Variants in CNTN1 observed in about 807,000 individuals in gnomAD.
CNTN1 encodes the protein contactin 1, also known as contactin-1.
CNTN1 carries 38 observed loss-of-function variants against 126.4 expected under a neutral mutation model. The ratio of observed to expected loss-of-function variants is 0.30; its 90% CI spans 0.23 to 0.39. CNTN1 has a LOEUF of 0.39. CNTN1 is among the 10% of genes least tolerant of loss of function. CNTN1 has a pLI of 1.00. For missense variants in CNTN1, 1,009 were observed against 1,248.4 expected, an observed-to-expected ratio of 0.81 and a Z score of 2.89; for synonymous variants, 413 against 422.6, an observed-to-expected ratio of 0.98 and a Z score of 0.28.
At chr12:40,757,284 T>C (rs1335324862) in intron 1 of CNTN1, among the ~76,000 whole-genome samples, 1 of 7,636 alleles carries the variant, frequency 1.3e-4, no homozygotes, top group African/African-American at 2.2e-4. Flanking sequence ...TATTTGAGTT[T>C]GGGAAGGACA....
chr12:40,796,443 T>A (rs979707317), intron 1 of CNTN1, among the ~76,000 whole-genome samples: 8 of 152,058 alleles, frequency 5.3e-5, no homozygotes, highest in African/African-American at 1.9e-4. Flanking sequence ...TCATTCCAGA[T>A]ATTATATATC....
chr12:40,781,478 CT>C (rs1939801378), intron 1 of CNTN1, among the ~76,000 whole-genome samples: 1 of 151,868 alleles, frequency 6.6e-6, no homozygotes, highest in Admixed American at 6.6e-5. Flanking sequence ...CTCTCTTTTC[CT>C]AAGGGTTCCA....
intron 20 of CNTN1, 40 bp downstream of exon 20, chr12:41,020,480 A>G: frequency 7.9e-7 from 1 of 1,272,320 alleles, no homozygotes; most frequent in East Asian, 2.4e-5. Context: ...ATTTATTCAT[A>G]AATATATAAG....
chr12:40,720,409 G>GT (rs1555145028), intron 1 of CNTN1, among the ~76,000 whole-genome samples: 5 of 149,060 alleles, frequency 3.4e-5, no homozygotes, highest in Non-Finnish European at 6.0e-5. Flanking sequence ...ATCTCAAAGG[G>GT]GTGTGTGTGT....
At chr12:40,761,349 T>G (rs1024014091) in intron 1 of CNTN1, among the ~76,000 whole-genome samples, 1 of 152,124 alleles carries the variant, frequency 6.6e-6, no homozygotes, top group African/African-American at 2.4e-5. Flanking sequence ...CATCCTAGAC[T>G]TGGGAAATTA....
At chr12:40,772,538 A>G (rs987252474) in intron 1 of CNTN1, among the ~76,000 whole-genome samples, 5 of 151,980 alleles carry the variant, frequency 3.3e-5, no homozygotes, top group African/African-American at 1.2e-4. Flanking sequence ...TTATACCTAT[A>G]CCTGTACAAT....
At chr12:40,740,379 TTATAGTAACTC>T (rs565001599) in intron 1 of CNTN1, among the ~76,000 whole-genome samples, 90 of 152,228 alleles carry the variant, frequency 5.9e-4, no homozygotes, top group Non-Finnish European at 1.2e-3. Flanking sequence ...CTTCTGGAAA[TTATAGTAACTC>T]TAACTGCTGT....
chr12:40,923,191 GTTAAT>G (rs1200076277), intron 5 of CNTN1, among the ~76,000 whole-genome samples: 1 of 151,738 alleles, frequency 6.6e-6, no homozygotes, highest in Admixed American at 6.6e-5. Flanking sequence ...TTATATTTTA[GTTAAT>G]TTATTTTAAA....
At chr12:40,822,346 G>C (rs889188172) in intron 1 of CNTN1, among the ~76,000 whole-genome samples, 5 of 151,280 alleles carry the variant, frequency 3.3e-5, no homozygotes, top group African/African-American at 1.2e-4. Flanking sequence ...GTAGAGATGG[G>C]GTTTCACCAT....
At chr12:40,888,444 A>C (rs1944129006) in intron 1 of CNTN1, among the ~76,000 whole-genome samples, 1 of 152,214 alleles carries the variant, frequency 6.6e-6, no homozygotes, top group African/African-American at 2.4e-5. Flanking sequence ...TACATTTTTA[A>C]GAGTCTTATT....
intron 1 of CNTN1, among the ~76,000 whole-genome samples, chr12:40,865,689 A>C (rs1272368187): frequency 6.6e-6 from 1 of 152,010 alleles, no homozygotes; most frequent in Non-Finnish European, 1.5e-5. Flanking sequence ...CTATATGTCT[A>C]TTATTACCAA....
At chr12:40,732,203 A>C (rs60805356) in intron 1 of CNTN1, among the ~76,000 whole-genome samples, 2,172 of 152,162 alleles carry the variant, frequency 0.014, 57 homozygotes, top group African/African-American at 0.048. Context: ...TTTTCTGCAA[A>C]GTATTCAGTA....
At chr12:40,951,900 A>G (rs897435735) in intron 14 of CNTN1, among the ~76,000 whole-genome samples, 2 of 152,044 alleles carry the variant, frequency 1.3e-5, no homozygotes, top group Non-Finnish European at 1.5e-5. Flanking sequence ...AGTCCTAGAC[A>G]GAAAGACAGA....
At chr12:40,989,421 C>G (rs1010142834) in intron 16 of CNTN1, among the ~76,000 whole-genome samples, 2 of 151,994 alleles carry the variant, frequency 1.3e-5, no homozygotes, top group African/African-American at 4.8e-5. Flanking sequence ...AAGGAAGAGG[C>G]CTTAAGAAGA....
chr12:40,909,955 T>C, intron 2 of CNTN1, 118 bp from the exon 3 acceptor site: 1 of 744,736 alleles, frequency 1.3e-6, no homozygotes, highest in East Asian at 2.5e-5. Context: ...TCAACCTTTA[T>C]AGTAAAGGGC....
chr12:40,856,321 G>A (rs1356694581), intron 1 of CNTN1, among the ~76,000 whole-genome samples: 3 of 152,006 alleles, frequency 2.0e-5, no homozygotes, highest in Non-Finnish European at 2.9e-5. Flanking sequence ...AGAAATATAA[G>A]GTGAAAAACT....
At chr12:40,908,261 C>G in intron 1 of CNTN1, 96 bp from the exon 2 acceptor site, 4 of 561,432 alleles carry the variant, frequency 7.1e-6, no homozygotes, top group Non-Finnish European at 9.5e-6. Flanking sequence ...TTTCCAATTT[C>G]CTTCCCTTTC....
intron 1 of CNTN1, among the ~76,000 whole-genome samples, chr12:40,883,422 A>G (rs915427178): frequency 6.6e-6 from 1 of 151,652 alleles, no homozygotes; most frequent in Non-Finnish European, 1.5e-5. Flanking sequence ...GCGTCATAAT[A>G]TTTCAAAGGA....
At chr12:40,876,597 A>G (rs890885479) in intron 1 of CNTN1, among the ~76,000 whole-genome samples, 1 of 152,150 alleles carries the variant, frequency 6.6e-6, no homozygotes, top group African/African-American at 2.4e-5. Context: ...TAAGGAGAAT[A>G]TGTTTAAATA....
Sources: gnomAD v4.1 joint callset for allele counts (sites outside exome capture counted in the v4.1 genomes callset) on GRCh38, gnomAD v4.1.1 for gene constraint, MANE v1.5 for transcripts, NCBI Gene and HGNC (gene_info 2026-07-23, HGNC 2026-07-21) for gene names.